The following ARMH4 variants were observed in gnomAD, a reference collection of about 807,000 sequenced individuals.
The protein encoded by ARMH4 is armadillo like helical domain containing 4.
ARMH4 carries 49 observed loss-of-function variants against 61.9 expected under a neutral mutation model. The ratio of observed to expected loss-of-function variants is 0.79; its 90% CI spans 0.63 to 1.00. The LOEUF is 1.00. ARMH4 is among the 50% of genes least tolerant of loss of function. The pLI is 0.00. For missense variants in ARMH4, 934 were observed against 930.0 expected (o/e 1.00, Z -0.06); for synonymous variants, 368 against 341.5 (o/e 1.08, Z -0.85).
chr14:58,045,329 G>A (rs1315053178), intron 5 of ARMH4, among the ~76,000 whole-genome samples: 1 of 152,120 alleles, frequency 6.6e-6, no homozygotes, highest in Non-Finnish European at 1.5e-5. Context: ...GGATGAAGCT[G>A]GAAACCATCA....
At chr14:58,075,517 AC>A (rs2141234158) in intron 5 of ARMH4, among the ~76,000 whole-genome samples, 1 of 151,816 alleles carries the variant, frequency 6.6e-6, no homozygotes, top group South Asian at 2.1e-4. Context: ...AAAACCAAAC[AC>A]CACATGTTCT....
intron 4 of ARMH4, among the ~76,000 whole-genome samples, chr14:58,098,202 A>G (rs1322195345): frequency 1.3e-5 from 2 of 152,110 alleles, no homozygotes; most frequent in Admixed American, 6.5e-5. Flanking sequence ...CACCCATACT[A>G]CCTTTCCTCT....
chr14:58,020,874 C>T (rs962782907), intron 5 of ARMH4, among the ~76,000 whole-genome samples: 6 of 152,192 alleles, frequency 3.9e-5, no homozygotes, highest in African/African-American at 1.2e-4. Flanking sequence ...CCAAGATCTA[C>T]TGCCTGTAAA....
intron 5 of ARMH4, among the ~76,000 whole-genome samples, chr14:58,032,436 T>C (rs935079244): frequency 2.6e-5 from 4 of 152,224 alleles, no homozygotes; most frequent in African/African-American, 9.6e-5. Flanking sequence ...CCCATCTGAC[T>C]GTCCAATGAA....
chr14:58,082,176 T>TC (rs1480613310), intron 5 of ARMH4, among the ~76,000 whole-genome samples: 1 of 152,162 alleles, frequency 6.6e-6, no homozygotes, highest in Non-Finnish European at 1.5e-5. Flanking sequence ...TCAGCAATAC[T>TC]CCCAAGAACA....
chr14:58,053,833 C>T (rs1159998976), intron 5 of ARMH4, among the ~76,000 whole-genome samples: 1 of 152,162 alleles, frequency 6.6e-6, no homozygotes, highest in East Asian at 1.9e-4. Context: ...CTACAGGTCA[C>T]GTCAGTCACA....
intron 5 of ARMH4, among the ~76,000 whole-genome samples, chr14:58,049,705 A>C (rs1884069662): frequency 1.3e-5 from 2 of 151,970 alleles, no homozygotes; most frequent in African/African-American, 2.4e-5. Context: ...GGCTGTCACA[A>C]AAAAAAATAA....
intron 1 of ARMH4, among the ~76,000 whole-genome samples, chr14:58,143,805 GCT>G (rs972850291): frequency 1.6e-5 from 2 of 125,350 alleles, no homozygotes; most frequent in African/African-American, 6.5e-5. Context: ...ACAGAGTCTT[GCT>G]CTGTCACCCA....
chr14:58,138,718 TC>T lies in ARMH4; in HGVS notation c.640del (p.Glu214LysfsTer3). ...AGTCTTTGGATTGGTGGTTAGCATT[TC>T]CTTAGTATTCACATAGGATGAAGGT... The part of the protein sequence containing the change: ...HSPSSYVNTK[E>X]MLTTNPKTEK... On this transcript the variant is annotated frameshift_variant, in exon 2 of 8. Transcript: ENST00000267485. LOFTEE classifies it high-confidence loss of function. The T allele has an allele frequency of 6.2e-7, 1 of 1,614,198 alleles. No homozygotes were observed.
intron 5 of ARMH4, among the ~76,000 whole-genome samples, chr14:58,094,921 G>A (rs2141261119): frequency 6.6e-6 from 1 of 152,268 alleles, no homozygotes; most frequent in African/African-American, 2.4e-5. Context: ...AGCTTTCAGT[G>A]GGTGCAATTG....
At chr14:58,093,034 G>A (rs1420833446) in intron 5 of ARMH4, among the ~76,000 whole-genome samples, 1 of 152,036 alleles carries the variant, frequency 6.6e-6, no homozygotes, top group Non-Finnish European at 1.5e-5. Context: ...TCCCCATGCT[G>A]TTCTCATAGT....
chr14:58,119,193 T>C (rs1010741001), intron 4 of ARMH4, among the ~76,000 whole-genome samples: 25 of 152,224 alleles, frequency 1.6e-4, no homozygotes, highest in Admixed American at 7.9e-4. Flanking sequence ...ATTGGTGTAT[T>C]ACATTTTTCT....
intron 5 of ARMH4, among the ~76,000 whole-genome samples, chr14:58,043,092 T>C (rs977372896): frequency 1.8e-4 from 28 of 152,186 alleles, no homozygotes; most frequent in South Asian, 4.1e-4. Flanking sequence ...GAATCCTCCC[T>C]AACTCATTTT....
chr14:58,087,293 C>A (rs1000593677), intron 5 of ARMH4, among the ~76,000 whole-genome samples: 2 of 152,102 alleles, frequency 1.3e-5, no homozygotes, highest in Non-Finnish European at 1.5e-5. Context: ...TCTGTGAACC[C>A]TGAGTCGGGA....
chr14:58,026,189 T>A (rs1275494325), intron 5 of ARMH4, among the ~76,000 whole-genome samples: 1 of 152,078 alleles, frequency 6.6e-6, no homozygotes, highest in Admixed American at 6.6e-5. Flanking sequence ...GGGAAATATA[T>A]GACACATAAA....
At chr14:58,134,225 TACTA>T (rs887558555) in intron 2 of ARMH4, among the ~76,000 whole-genome samples, 12 of 152,296 alleles carry the variant, frequency 7.9e-5, no homozygotes, top group African/African-American at 2.6e-4. Context: ...TTAACCACTG[TACTA>T]ACTATGCCCA....
At chr14:58,021,627 C>A (rs1197183755) in intron 5 of ARMH4, among the ~76,000 whole-genome samples, 2 of 152,280 alleles carry the variant, frequency 1.3e-5, no homozygotes, top group East Asian at 1.9e-4. Flanking sequence ...GTCAAGTTGA[C>A]ACATAAAATT....
chr14:58,082,364 G>A (rs1275490170), intron 5 of ARMH4, among the ~76,000 whole-genome samples: 3 of 152,298 alleles, frequency 2.0e-5, no homozygotes, highest in South Asian at 4.1e-4. Context: ...TTTGAAATCT[G>A]CCTAACCTTC....
chr14:58,049,784 A>G (rs1288190758), intron 5 of ARMH4, among the ~76,000 whole-genome samples: 1 of 152,172 alleles, frequency 6.6e-6, no homozygotes, highest in Non-Finnish European at 1.5e-5. Flanking sequence ...CAGGGAGAGA[A>G]CTCACTTCAC....
Sources: allele counts gnomAD v4.1 joint callset (sites outside exome capture counted in the v4.1 genomes callset), GRCh38; gene constraint gnomAD v4.1.1; transcripts MANE v1.5; gene names NCBI Gene and HGNC (gene_info 2026-07-23, HGNC 2026-07-21).